The following LCA5 variants were observed in gnomAD, a reference collection of about 807,000 sequenced individuals.
LCA5 encodes lebercilin LCA5, also known as lebercilin.
In LCA5, 37 loss-of-function variants were observed where a neutral mutation model predicts 53.0. The ratio of observed to expected loss-of-function variants is 0.70; its 90% CI spans 0.54 to 0.92. The LOEUF is 0.92. LCA5 is among the 40% of genes least tolerant of loss of function. The pLI is 0.00. For synonymous variants in LCA5, 303 were observed against 282.9 expected (o/e 1.07, Z -0.71); for missense variants, 806 against 790.5 (o/e 1.02, Z -0.23).
In LCA5 at chr6:79,516,157, A is replaced by G. The variant is rs1582643080; in HGVS notation, c.191-2416T>C. On this transcript the variant is annotated intron_variant, in intron 2 of 7. Transcript: ENST00000369846. Reference sequence around the variant, plus strand: ...TTTTAACCTGGTTACTAGAAAATATAAAATTACATATGTGGCTTCATTTGT... The same window carrying G: ...TTTTAACCTGGTTACTAGAAAATATGAAATTACATATGTGGCTTCATTTGT... 2.0e-5 allele frequency among the ~76,000 whole-genome samples: 3 copies of G among 152,098 alleles called. No individual in the cohort carries two copies. In the South Asian group the frequency reaches 6.2e-4, roughly 32 times the overall value.
upstream of LCA5, among the ~76,000 whole-genome samples, chr6:79,538,018 GTT>G (rs869197362): frequency 1.3e-3 from 59 of 44,134 alleles, no homozygotes; most frequent in African/African-American, 3.7e-3. Flanking sequence ...TTGCACACAA[GTT>G]TTTTTTTTTT....
intron 1 of LCA5, among the ~76,000 whole-genome samples, chr6:79,532,317 C>A (rs547301174): frequency 6.6e-6 from 1 of 152,270 alleles, no homozygotes; most frequent in Admixed American, 6.5e-5. Flanking sequence ...TCCTGATATT[C>A]CACTTTCATC....
At chr6:79,536,404 G>A (rs891864366) in intron 1 of LCA5, among the ~76,000 whole-genome samples, 1 of 152,140 alleles carries the variant, frequency 6.6e-6, no homozygotes, top group East Asian at 1.9e-4. Flanking sequence ...AAATATGTAT[G>A]TGCCCAAGTA....
At position 79,513,506 on chromosome 6, in the gene LCA5, T is replaced by C. The variant is rs758010369; in HGVS notation, c.426A>G (p.Arg142=). 1 of 1,613,994 alleles carries C rather than the reference T, an allele frequency of 6.2e-7. No homozygotes were observed. Among genetic ancestry groups the C allele is most frequent in the South Asian group, 1.1e-5 (1 of 91,082 alleles). ...CAAACTTATTCAGGGCTTTCTCCTGTCTGTACTGAAGCCTTTTCAAAGATT... is the reference window on the plus strand; with the variant it reads ...CAAACTTATTCAGGGCTTTCTCCTGCCTGTACTGAAGCCTTTTCAAAGATT... ...ENKSLKRLQY[R]QEKALNKFED... The change falls in exon 3 of 8, where the codon AGA becomes AGG. Residue 142 remains arginine, a synonymous_variant. Coordinates refer to ENST00000369846, the MANE Select transcript of LCA5 (RefSeq NM_001122769.3).
chr6:79,505,207 C>T (rs1307132848), intron 3 of LCA5, among the ~76,000 whole-genome samples: 3 of 152,100 alleles, frequency 2.0e-5, no homozygotes, highest in African/African-American at 4.8e-5. Flanking sequence ...AAGGACACTG[C>T]AAAGCTTATT....
chr6:79,493,720 T>C lies in LCA5; in HGVS notation c.751A>G (p.Asn251Asp), dbSNP rs1769904309. The C allele has an allele frequency of 6.2e-7, 1 of 1,613,446 alleles. No homozygotes were observed. The highest frequency in any genetic ancestry group is 8.5e-7 in the Non-Finnish European group (1 of 1,179,682). Residue 251 changes from asparagine to aspartate, a missense_variant, in exon 4 of 8, where the codon AAC (asparagine) becomes GAC (aspartate). Physicochemically the swap from Asn to Asp is conservative, Grantham distance 23 (BLOSUM62 1). Coordinates refer to ENST00000369846, the MANE Select transcript of LCA5 (RefSeq NM_001122769.3). ...ELSKNLELST[N>D]SFQRQLLAER... Reference sequence around the variant, plus strand: ...GCAAGCAACTGTCGTTGGAAACTGTTAGTACTCAGTTCAAGGTTTTTCGAT... The same window carrying C: ...GCAAGCAACTGTCGTTGGAAACTGTCAGTACTCAGTTCAAGGTTTTTCGAT...
intron 2 of LCA5, among the ~76,000 whole-genome samples, chr6:79,517,691 G>A (rs539381241): frequency 1.3e-5 from 2 of 152,166 alleles, no homozygotes; most frequent in South Asian, 2.1e-4. Flanking sequence ...TCCATGAAAG[G>A]GTTTCTTTCA....
intron 3 of LCA5, among the ~76,000 whole-genome samples, chr6:79,501,055 CCATA>C (rs1365399532): frequency 2.0e-5 from 3 of 152,012 alleles, no homozygotes; most frequent in Non-Finnish European, 4.4e-5. Flanking sequence ...TTTTAAGTGG[CCATA>C]CAATTATAGG....
intron 1 of LCA5, among the ~76,000 whole-genome samples, chr6:79,536,921 G>A (rs1767153048): frequency 6.6e-6 from 1 of 151,852 alleles, no homozygotes; most frequent in Admixed American, 6.6e-5. Context: ...CCCCAGTGCC[G>A]GTCAACCTCC....
intron 3 of LCA5, among the ~76,000 whole-genome samples, chr6:79,498,981 TCAAA>T (rs1162508485): frequency 1.2e-4 from 19 of 152,062 alleles, no homozygotes; most frequent in Admixed American, 7.9e-4. Context: ...TGCAAAAGTC[TCAAA>T]CAAATATTAG....
chr6:79,498,487 A>G (rs1770043820), intron 3 of LCA5, among the ~76,000 whole-genome samples: 1 of 152,188 alleles, frequency 6.6e-6, no homozygotes, highest in Non-Finnish European at 1.5e-5. Flanking sequence ...CCAAATGATA[A>G]TAACTGTCAA....
chr6:79,485,294 A>C lies in LCA5; in HGVS notation c.*1710T>G, dbSNP rs996619815. 6 of 152,578 alleles carry C rather than the reference A, an allele frequency of 3.9e-5. No homozygotes were observed. Among genetic ancestry groups the C allele is most frequent in the Admixed American group, 6.5e-5 (1 of 15,278 alleles). The allele number at this position is 152,578 out of a possible 1,614,324, so 9.5% of individuals were successfully genotyped here. Reference sequence around the variant, plus strand: ...ACTAAAAAGTTTTAAAAGCCTTTAAAACAACCTGAAAATTAGAATACTTTT... The same window carrying C: ...ACTAAAAAGTTTTAAAAGCCTTTAACACAACCTGAAAATTAGAATACTTTT... On this transcript the variant is annotated 3_prime_UTR_variant, in exon 8 of 8. Transcript: ENST00000369846.
At chr6:79,497,196 A>C (rs1357425759) in intron 3 of LCA5, among the ~76,000 whole-genome samples, 2 of 152,196 alleles carry the variant, frequency 1.3e-5, no homozygotes, top group Admixed American at 1.3e-4. Flanking sequence ...ATCAGAAAAG[A>C]ATCATCAACG....
In LCA5 at chr6:79,513,378, G is replaced by A; in HGVS notation, c.554C>T (p.Thr185Ile). The stretch of plus-strand genomic sequence containing the variant: ...TTCTGTATCTTTTACCCTTTTCTCA[G>A]TTGCCCGTTCTTTCTCTTGAGATTT... ...LRKSQEKERA[T>I]EKRVKDTESE... Residue 185 changes from threonine (T) to isoleucine (I), a missense_variant, in exon 3 of 8, where the codon ACT (threonine) becomes ATT (isoleucine). Coordinates refer to ENST00000369846, the MANE Select transcript of LCA5 (RefSeq NM_001122769.3). The A allele has an allele frequency of 6.2e-7, 1 of 1,613,744 alleles. No individual in the cohort carries two copies. Among genetic ancestry groups the A allele is most frequent in the Non-Finnish European group, 8.5e-7 (1 of 1,179,880 alleles).
intron 1 of LCA5, among the ~76,000 whole-genome samples, chr6:79,523,793 C>G (rs1766697466): frequency 6.6e-6 from 1 of 152,050 alleles, no homozygotes; most frequent in Admixed American, 6.5e-5. Context: ...CTCTCCCTGC[C>G]CCCCCTCAAA....
intron 1 of LCA5, among the ~76,000 whole-genome samples, chr6:79,532,273 TC>T: frequency 6.6e-6 from 1 of 152,188 alleles, no homozygotes; most frequent in East Asian, 1.9e-4. Context: ...CTAGTCCACA[TC>T]CATGTTTCCT....
intron 1 of LCA5, among the ~76,000 whole-genome samples, chr6:79,532,739 T>A (rs1766993012): frequency 6.6e-6 from 1 of 152,158 alleles, no homozygotes; most frequent in South Asian, 2.1e-4. Flanking sequence ...CTATGCTTTA[T>A]TTTCTTCACA....
chr6:79,527,411 T>G (rs1218254233), intron 1 of LCA5, among the ~76,000 whole-genome samples: 1 of 152,156 alleles, frequency 6.6e-6, no homozygotes, highest in Non-Finnish European at 1.5e-5. Flanking sequence ...CCAATCAAGT[T>G]GGTAATCAAC....
intron 6 of LCA5, 22 bp from the exon 7 acceptor site, chr6:79,489,238 G>A (rs1562094543): frequency 3.7e-6 from 6 of 1,607,396 alleles, no homozygotes; most frequent in Middle Eastern, 1.7e-4. Flanking sequence ...TAAAAAAAAT[G>A]CAAGTTCACA....
Sources: allele counts gnomAD v4.1 joint callset (sites outside exome capture counted in the v4.1 genomes callset), GRCh38; gene constraint gnomAD v4.1.1; transcripts MANE v1.5; gene names NCBI Gene and HGNC (gene_info 2026-07-23, HGNC 2026-07-21).